The following DCPH1 variants were observed in gnomAD, a reference collection of about 807,000 sequenced individuals.
The protein encoded by DCPH1 is damage control phosphatase 1, also known as damage-control phosphatase 1.
chr6:151,454,711 T>C, the DCPH1 span: 2 of 855,732 alleles, frequency 2.3e-6, no homozygotes, highest in Non-Finnish European at 3.8e-6. Context: ...ACATAATAAA[T>C]AGTTCTTGAA....
the DCPH1 span, among the ~76,000 whole-genome samples, chr6:151,466,144 C>T: frequency 6.6e-6 from 1 of 152,216 alleles, no homozygotes; most frequent in East Asian, 1.9e-4. Context: ...GTCTTGAACT[C>T]CTGACCTCAG....
At chr6:151,458,514 C>T in the DCPH1 span, 1 of 1,612,870 alleles carries the variant, frequency 6.2e-7, no homozygotes, top group Non-Finnish European at 8.5e-7. Flanking sequence ...GTTCTACTCA[C>T]CGTGGTTGTT....
the DCPH1 span, among the ~76,000 whole-genome samples, chr6:151,465,350 A>G: frequency 2.6e-5 from 4 of 152,162 alleles, no homozygotes; most frequent in African/African-American, 7.2e-5. Context: ...GAAATGTTAG[A>G]AAGTGCTATG....
the DCPH1 span, chr6:151,468,860 C>T: frequency 6.2e-7 from 1 of 1,613,892 alleles, no homozygotes; most frequent in African/African-American, 1.3e-5. Context: ...CTACAGAAGG[C>T]ACATTTAATT....
At chr6:151,458,254 TA>T in the DCPH1 span, 937 of 1,514,664 alleles carry the variant, frequency 6.2e-4, 1 homozygote, top group Non-Finnish European at 6.0e-4. Context: ...CTTAAGTCTG[TA>T]AAAATATGTT....
chr6:151,467,574 T>G, the DCPH1 span, among the ~76,000 whole-genome samples: 2 of 152,210 alleles, frequency 1.3e-5, no homozygotes, highest in East Asian at 3.8e-4. Context: ...AGTACTAGTA[T>G]CTCGTTTTTC....
At chr6:151,452,481 C>T in the DCPH1 span, 16 of 1,574,092 alleles carry the variant, frequency 1.0e-5, no homozygotes, top group Middle Eastern at 1.7e-4. Flanking sequence ...TCCTTCGCGG[C>T]GGTACCGCCT....
At chr6:151,456,844 T>C in the DCPH1 span, among the ~76,000 whole-genome samples, 1 of 152,218 alleles carries the variant, frequency 6.6e-6, no homozygotes, top group African/African-American at 2.4e-5. Context: ...TTCAGTTTTT[T>C]CGGCCAGAGT....
the DCPH1 span, among the ~76,000 whole-genome samples, chr6:151,467,756 C>T: frequency 1.3e-5 from 2 of 152,020 alleles, no homozygotes; most frequent in Admixed American, 6.6e-5. Flanking sequence ...AGTATTAATT[C>T]AATTTAAAGC....
chr6:151,466,820 C>G, the DCPH1 span, among the ~76,000 whole-genome samples: 1 of 152,160 alleles, frequency 6.6e-6, no homozygotes, highest in African/African-American at 2.4e-5. Context: ...AGAACCTGCT[C>G]TCAGTCGCTG....
chr6:151,463,300 A>G, the DCPH1 span, among the ~76,000 whole-genome samples: 25 of 152,206 alleles, frequency 1.6e-4, no homozygotes, highest in Non-Finnish European at 3.1e-4. Context: ...GCCAGTTTAC[A>G]TGCCTCAAAA....
At chr6:151,455,512 G>T in the DCPH1 span, among the ~76,000 whole-genome samples, 2 of 152,220 alleles carry the variant, frequency 1.3e-5, no homozygotes, top group Non-Finnish European at 2.9e-5. Context: ...AGGATTAAGT[G>T]CTGTGCTTTT....
chr6:151,467,251 A>G, the DCPH1 span, among the ~76,000 whole-genome samples: 1 of 118,934 alleles, frequency 8.4e-6, no homozygotes, highest in African/African-American at 2.9e-5. Flanking sequence ...CTCTATCTCA[A>G]AAAAAAAAAA....
chr6:151,465,164 C>T, the DCPH1 span, among the ~76,000 whole-genome samples: 1 of 152,084 alleles, frequency 6.6e-6, no homozygotes, highest in African/African-American at 2.4e-5. Context: ...TTCAGTTGGC[C>T]CATTAATACA....
the DCPH1 span, among the ~76,000 whole-genome samples, chr6:151,455,344 A>G: frequency 6.6e-5 from 10 of 152,240 alleles, no homozygotes; most frequent in East Asian, 7.7e-4. Context: ...CGTTCAGCAT[A>G]TGGAGGATCC....
chr6:151,454,619 G>T, the DCPH1 span: 3 of 1,575,526 alleles, frequency 1.9e-6, no homozygotes, highest in South Asian at 1.1e-5. Context: ...ACATTGCATC[G>T]ACATAAAAGT....
chr6:151,462,631 A>G, the DCPH1 span, among the ~76,000 whole-genome samples: 1 of 152,250 alleles, frequency 6.6e-6, no homozygotes, highest in African/African-American at 2.4e-5. Context: ...GAATGCTGCT[A>G]TAAACATTCT....
At chr6:151,466,785 A>T in the DCPH1 span, among the ~76,000 whole-genome samples, 1 of 152,208 alleles carries the variant, frequency 6.6e-6, no homozygotes, top group Admixed American at 6.5e-5. Flanking sequence ...AGACGGTGTG[A>T]AGGGAAAGTG....
At chr6:151,462,001 G>A in the DCPH1 span, among the ~76,000 whole-genome samples, 2 of 152,060 alleles carry the variant, frequency 1.3e-5, no homozygotes, top group Non-Finnish European at 2.9e-5. Context: ...CCTATCCTAG[G>A]TCAATGGCAA....
Sources: gnomAD v4.1 joint callset for allele counts (sites outside exome capture counted in the v4.1 genomes callset) on GRCh38, gnomAD v4.1.1 for gene constraint, MANE v1.5 for transcripts, NCBI Gene and HGNC (gene_info 2026-07-23, HGNC 2026-07-21) for gene names.